Variants in RSU1 observed in about 807,000 individuals in gnomAD.
RSU1 encodes the protein Ras suppressor protein 1.
A neutral mutation model predicts 31.1 loss-of-function variants in RSU1; 26 were observed. The ratio of observed to expected loss-of-function variants is 0.84; its 90% CI spans 0.61 to 1.16. The LOEUF is 1.16. Ranked by LOEUF, RSU1 falls within the 50% of genes most tolerant of loss-of-function variation. RSU1 has a pLI of 0.00. For synonymous variants in RSU1, 164 were observed against 136.3 expected, an observed-to-expected ratio of 1.20 and a Z score of -1.41; for missense variants, 320 against 339.1, an observed-to-expected ratio of 0.94 and a Z score of 0.44.
rs75477107 is a variant in RSU1 at position 16,797,503 on chromosome 10, T to C, written c.110-15419A>G. Among the ~76,000 whole-genome samples, 849 of 152,240 alleles carry C rather than the reference T, an allele frequency of 5.6e-3. 6 individuals carry two copies. The highest frequency in any genetic ancestry group is 0.019 in the African/African-American group (802 of 41,546). On this transcript the variant is annotated intron_variant, in intron 2 of 8. Transcript: ENST00000345264. The stretch of plus-strand genomic sequence containing the variant: ...TTAAAAATGAGCAACATAAAAAATA[T>C]TGGGAGCAAATCCCATAACGTTATT...
At chr10:16,722,865 T>G (rs1007691867) in intron 7 of RSU1, among the ~76,000 whole-genome samples, 1 of 143,912 alleles carries the variant, frequency 6.9e-6, no homozygotes, top group Non-Finnish European at 1.5e-5. Context: ...TATATACATA[T>G]ATGTATATAT....
intron 2 of RSU1, among the ~76,000 whole-genome samples, chr10:16,791,841 C>T (rs59438182): frequency 0.035 from 5,257 of 152,148 alleles, 279 homozygotes; most frequent in African/African-American, 0.12. Context: ...GACTCGTTCC[C>T]AAGGTGGCCC....
chr10:16,717,458 A>G (rs1010285006), intron 7 of RSU1, among the ~76,000 whole-genome samples: 1 of 152,234 alleles, frequency 6.6e-6, no homozygotes, highest in Non-Finnish European at 1.5e-5. Flanking sequence ...CATTTTCATG[A>G]AACATTTTCA....
intron 7 of RSU1, among the ~76,000 whole-genome samples, chr10:16,705,846 T>C (rs1327495178): frequency 6.6e-6 from 1 of 152,128 alleles, no homozygotes; most frequent in Non-Finnish European, 1.5e-5. Context: ...CTGTCTCTGT[T>C]GCACAGGCTG....
At chr10:16,699,982 T>C (rs1192416895) in intron 7 of RSU1, among the ~76,000 whole-genome samples, 3 of 152,248 alleles carry the variant, frequency 2.0e-5, no homozygotes, top group African/African-American at 7.2e-5. Flanking sequence ...AAACATTAAA[T>C]CATGCAAAAC....
chr10:16,771,820 T>A (rs567948555), intron 3 of RSU1, among the ~76,000 whole-genome samples: 2 of 152,332 alleles, frequency 1.3e-5, no homozygotes, highest in East Asian at 3.9e-4. Flanking sequence ...TTTAAAAACA[T>A]AAAGTTTATG....
intron 7 of RSU1, among the ~76,000 whole-genome samples, chr10:16,712,335 C>T (rs1836038113): frequency 6.6e-6 from 1 of 152,132 alleles, no homozygotes; most frequent in Non-Finnish European, 1.5e-5. Flanking sequence ...TATTCAAGGT[C>T]ATATCAATAA....
chr10:16,721,823 A>C (rs991224894), intron 7 of RSU1: 1 of 152,132 alleles, frequency 6.6e-6, no homozygotes, highest in Admixed American at 6.5e-5. Flanking sequence ...GTTCATATTT[A>C]CCCTCTCTGC....
intron 8 of RSU1, among the ~76,000 whole-genome samples, chr10:16,622,860 G>A (rs761719774): frequency 1.4e-4 from 22 of 152,142 alleles, no homozygotes; most frequent in Admixed American, 3.9e-4. Flanking sequence ...GACCCACAGC[G>A]CTCTGGCAAG....
At chr10:16,774,096 C>T (rs965777206) in intron 3 of RSU1, among the ~76,000 whole-genome samples, 6 of 140,030 alleles carry the variant, frequency 4.3e-5, no homozygotes, top group Admixed American at 7.0e-5. Flanking sequence ...AAAGGTATTC[C>T]GTTAAAAAAA....
chr10:16,809,400 A>AG (rs768348294), intron 2 of RSU1, among the ~76,000 whole-genome samples: 122 of 152,314 alleles, frequency 8.0e-4, no homozygotes, highest in Non-Finnish European at 1.5e-3. Context: ...ACCCAAAGAC[A>AG]GAACCTGGCG....
intron 4 of RSU1, among the ~76,000 whole-genome samples, chr10:16,763,422 G>A (rs11254173): frequency 1.3e-5 from 2 of 152,248 alleles, no homozygotes; most frequent in East Asian, 1.9e-4. Context: ...GACAGCACAA[G>A]GGGGGAGGTG....
At chr10:16,705,429 A>G (rs769371853) in intron 7 of RSU1, among the ~76,000 whole-genome samples, 5 of 152,304 alleles carry the variant, frequency 3.3e-5, no homozygotes, top group Non-Finnish European at 5.9e-5. Context: ...ATTTTATACT[A>G]TATTTTAAAA....
chr10:16,746,812 G>T (rs561300511), intron 7 of RSU1, among the ~76,000 whole-genome samples: 1 of 150,550 alleles, frequency 6.6e-6, no homozygotes, highest in South Asian at 2.1e-4. Flanking sequence ...ATATATAAAA[G>T]AACAAAAAAG....
intron 8 of RSU1, among the ~76,000 whole-genome samples, chr10:16,691,365 G>A (rs1400392830): frequency 1.4e-5 from 2 of 145,476 alleles, no homozygotes; most frequent in South Asian, 2.2e-4. Context: ...ACACAATAGC[G>A]GCATTTTTGT....
chr10:16,812,206 C>T (rs1588553054), intron 2 of RSU1, among the ~76,000 whole-genome samples: 1 of 152,188 alleles, frequency 6.6e-6, no homozygotes, highest in African/African-American at 2.4e-5. Context: ...CTTTGGGAGG[C>T]CAAGGCGGGT....
intron 8 of RSU1, among the ~76,000 whole-genome samples, chr10:16,664,045 C>T (rs1247472188): frequency 1.3e-5 from 2 of 152,110 alleles, no homozygotes; most frequent in East Asian, 3.9e-4. Context: ...TATGACTCCA[C>T]GAACACTGTT....
intron 8 of RSU1, among the ~76,000 whole-genome samples, chr10:16,619,088 G>C (rs896423591): frequency 2.0e-5 from 3 of 152,174 alleles, no homozygotes; most frequent in Admixed American, 6.5e-5. Flanking sequence ...GATTCCCTTA[G>C]AGGACAATGT....
chr10:16,779,611 A>G (rs985570230), intron 3 of RSU1, among the ~76,000 whole-genome samples: 1 of 152,134 alleles, frequency 6.6e-6, no homozygotes, highest in Non-Finnish European at 1.5e-5. Context: ...GCAAGATAAA[A>G]GCAGTGCCGG....
Sources: allele counts gnomAD v4.1 joint callset (sites outside exome capture counted in the v4.1 genomes callset), GRCh38; gene constraint gnomAD v4.1.1; transcripts MANE v1.5; gene names NCBI Gene and HGNC (gene_info 2026-07-23, HGNC 2026-07-21).